Variants in NCAM2 observed in about 807,000 individuals in gnomAD.
The protein encoded by NCAM2 is neural cell adhesion molecule 2, also known as N-CAM-2.
A neutral mutation model predicts 98.1 loss-of-function variants in NCAM2; 30 were observed. The observed-to-expected ratio is 0.31, with a 90% CI of 0.23 to 0.41. The LOEUF (loss-of-function observed/expected upper bound fraction) is 0.41. NCAM2 is among the 10% of genes least tolerant of loss of function. The pLI, the probability that NCAM2 is intolerant of heterozygous loss-of-function variation, is 1.00. For missense variants in NCAM2, 867 were observed against 1,005.8 expected, an observed-to-expected ratio of 0.86 and a Z score of 1.87; for synonymous variants, 368 against 342.4, an observed-to-expected ratio of 1.07 and a Z score of -0.83.
At chr21:21,532,014 A>G (rs1015357944) in intron 16 of NCAM2, among the ~76,000 whole-genome samples, 3 of 151,678 alleles carry the variant, frequency 2.0e-5, no homozygotes, top group Non-Finnish European at 4.4e-5. Flanking sequence ...AAAATATTAT[A>G]TATATATCTT....
At chr21:21,093,842 A>G (rs2066063717) in intron 1 of NCAM2, among the ~76,000 whole-genome samples, 1 of 151,650 alleles carries the variant, frequency 6.6e-6, no homozygotes, top group Non-Finnish European at 1.5e-5. Flanking sequence ...CCTTTTTTCC[A>G]GTCCTTTAGT....
chr21:21,400,018 A>T (rs1371010167), intron 9 of NCAM2, among the ~76,000 whole-genome samples: 3 of 152,148 alleles, frequency 2.0e-5, no homozygotes, highest in Admixed American at 6.5e-5. Flanking sequence ...GAAAAAAAAG[A>T]GGCAGGGAGG....
At chr21:21,149,748 TA>T (rs1312446224) in intron 1 of NCAM2, among the ~76,000 whole-genome samples, 1 of 152,102 alleles carries the variant, frequency 6.6e-6, no homozygotes, top group Admixed American at 6.6e-5. Flanking sequence ...ATGATCTCAT[TA>T]TTTTTTATGG....
At chr21:21,235,897 C>G (rs1404539913) in intron 1 of NCAM2, among the ~76,000 whole-genome samples, 2 of 151,976 alleles carry the variant, frequency 1.3e-5, no homozygotes, top group Non-Finnish European at 2.9e-5. Context: ...CTATTACTTA[C>G]TGTTAGTATT....
chr21:21,148,807 A>G (rs188400750), intron 1 of NCAM2, among the ~76,000 whole-genome samples: 93 of 152,356 alleles, frequency 6.1e-4, no homozygotes, highest in African/African-American at 2.2e-3. Flanking sequence ...TAACAGAATT[A>G]GAAAATAATT....
intron 1 of NCAM2, among the ~76,000 whole-genome samples, chr21:21,244,986 A>G (rs940530710): frequency 8.5e-5 from 13 of 152,172 alleles, no homozygotes; most frequent in Non-Finnish European, 1.3e-4. Context: ...AATTCTTCAA[A>G]TCAAGATAGA....
intron 1 of NCAM2, among the ~76,000 whole-genome samples, chr21:21,155,192 A>G (rs1698228560): frequency 6.6e-6 from 1 of 151,116 alleles, no homozygotes; most frequent in Non-Finnish European, 1.5e-5. Context: ...GTAAGATACT[A>G]CACTAAAGAA....
intron 9 of NCAM2, among the ~76,000 whole-genome samples, chr21:21,374,933 T>C (rs1469146569): frequency 6.6e-6 from 1 of 151,600 alleles, no homozygotes; most frequent in East Asian, 2.0e-4. Context: ...TCCATATTAT[T>C]TTACATTTTA....
chr21:21,462,529 G>A (rs1185499807), intron 12 of NCAM2, among the ~76,000 whole-genome samples: 1 of 151,850 alleles, frequency 6.6e-6, no homozygotes, highest in East Asian at 1.9e-4. Context: ...CTTTAATAAA[G>A]TCTGGTTCTC....
At chr21:21,155,893 A>G (rs535495499) in intron 1 of NCAM2, among the ~76,000 whole-genome samples, 5 of 152,076 alleles carry the variant, frequency 3.3e-5, no homozygotes, top group South Asian at 2.1e-4. Flanking sequence ...ATACTTTGGG[A>G]AAAACCCCTT....
intron 10 of NCAM2, 96 bp from the exon 11 acceptor site, chr21:21,418,377 A>G: frequency 1.2e-6 from 1 of 856,938 alleles, no homozygotes. Context: ...GTTGGGTAAA[A>G]AATGAAATGT....
intron 5 of NCAM2, among the ~76,000 whole-genome samples, chr21:21,317,194 C>T (rs952315764): frequency 7.2e-5 from 11 of 152,124 alleles, no homozygotes; most frequent in African/African-American, 2.7e-4. Flanking sequence ...CAGGAGTTTC[C>T]TTCCCCTTCT....
intron 9 of NCAM2, among the ~76,000 whole-genome samples, chr21:21,403,417 G>A (rs191096101): frequency 2.6e-5 from 4 of 152,212 alleles, no homozygotes; most frequent in Admixed American, 2.6e-4. Context: ...GTGATAATTT[G>A]GGACAGTGGT....
chr21:21,231,687 T>C (rs2070633678), intron 1 of NCAM2, among the ~76,000 whole-genome samples: 1 of 151,358 alleles, frequency 6.6e-6, no homozygotes, highest in Non-Finnish European at 1.5e-5. Flanking sequence ...AATAATTTGA[T>C]TTGAGGGGAA....
At position 21,411,065 on chromosome 21, in the gene NCAM2, T is replaced by TAC. The variant is rs1388811508; in HGVS notation, c.1383+605_1383+606insCA. 2.2e-3 allele frequency among the ~76,000 whole-genome samples: 132 copies of TAC among 60,654 alleles called. 4 individuals carry two copies. The highest frequency in any genetic ancestry group is 9.3e-3 in the Middle Eastern group (1 of 108). 39.8% of individuals were successfully genotyped at this position (60,654 alleles called of 152,430 possible). A position where few individuals can be genotyped will look rare whatever the true frequency, so the allele number is the denominator to read the frequency against. ...ATATATATGTGTGTGTATATATATA[T>TAC]ATATACACACACATATATATATGTG... On this transcript the variant is annotated intron_variant, in intron 10 of 17. Coordinates refer to ENST00000400546, the MANE Select transcript of NCAM2 (RefSeq NM_004540.5).
chr21:21,079,043 G>A (rs111654370), intron 1 of NCAM2, among the ~76,000 whole-genome samples: 1 of 152,168 alleles, frequency 6.6e-6, no homozygotes, highest in South Asian at 2.1e-4. Flanking sequence ...TGGTGATGGG[G>A]GTAAGGGAAG....
chr21:21,141,653 A>G (rs567750366), intron 1 of NCAM2, among the ~76,000 whole-genome samples: 1 of 152,296 alleles, frequency 6.6e-6, no homozygotes, highest in Admixed American at 6.5e-5. Context: ...TTCGTGCTCA[A>G]ATTTTCTCCT....
intron 12 of NCAM2, among the ~76,000 whole-genome samples, chr21:21,453,074 T>G (rs183082295): frequency 2.4e-5 from 3 of 123,798 alleles, no homozygotes; most frequent in African/African-American, 9.2e-5. Flanking sequence ...TATTTATAAA[T>G]TATTATATAT....
intron 1 of NCAM2, among the ~76,000 whole-genome samples, chr21:21,154,970 G>A (rs572546102): frequency 3.8e-4 from 58 of 151,738 alleles, no homozygotes; most frequent in Admixed American, 5.3e-4. Flanking sequence ...ATGAAGAAAG[G>A]CAAGATGCAA....
Sources: allele counts gnomAD v4.1 joint callset (sites outside exome capture counted in the v4.1 genomes callset), GRCh38; gene constraint gnomAD v4.1.1; transcripts MANE v1.5; gene names NCBI Gene and HGNC (gene_info 2026-07-23, HGNC 2026-07-21).